Variants in WDR64 observed in about 807,000 individuals in gnomAD.
WDR64 encodes the protein WD repeat-containing protein 64.
In WDR64, 112 loss-of-function variants were observed where a neutral mutation model predicts 139.3. The ratio of observed to expected loss-of-function variants is 0.80; its 90% confidence interval spans 0.69 to 0.94. The LOEUF is 0.94. Ranked by LOEUF, WDR64 falls within the 40% of genes least tolerant of loss-of-function variation. WDR64 has a pLI of 0.00. For synonymous variants in WDR64, 444 were observed against 437.7 expected, an observed-to-expected ratio of 1.01 and a Z score of -0.18; for missense variants, 1,206 against 1,293.1, an observed-to-expected ratio of 0.93 and a Z score of 1.03.
chr1:241,765,642 G>A (rs1043770791), intron 15 of WDR64, among the ~76,000 whole-genome samples: 1 of 152,036 alleles, frequency 6.6e-6, no homozygotes. Flanking sequence ...AGTTACATGC[G>A]TGCCTCCCTC....
At chr1:241,790,556 T>C (rs1164625674) in intron 24 of WDR64, 35 bp from the exon 25 acceptor site, 3 of 1,504,030 alleles carry the variant, frequency 2.0e-6, no homozygotes, top group Admixed American at 2.0e-5. Context: ...ATAAAAGGTA[T>C]GGGTATGTAC....
chr1:241,675,123 C>CCTTCCTTCCTCCCTCCCCT (rs1427164669), intron 4 of WDR64, among the ~76,000 whole-genome samples: 1 of 17,298 alleles, frequency 5.8e-5, no homozygotes, highest in African/African-American at 3.8e-4. Flanking sequence ...CTCCCTCCCT[C>CCTTCCTTCCTCCCTCCCCT]CTTCCCTCCT....
chr1:241,751,601 G>A (rs1250303473), intron 14 of WDR64, among the ~76,000 whole-genome samples: 1 of 152,180 alleles, frequency 6.6e-6, no homozygotes, highest in African/African-American at 2.4e-5. Context: ...AAAGTATCAT[G>A]TACTTTTAAA....
chr1:241,722,560 A>G (rs1355573679), intron 9 of WDR64, among the ~76,000 whole-genome samples: 1 of 152,202 alleles, frequency 6.6e-6, no homozygotes, highest in Non-Finnish European at 1.5e-5. Flanking sequence ...AAATTCTGAA[A>G]TAGTAACTAA....
intron 9 of WDR64, 149 bp from the exon 10 acceptor site, chr1:241,723,148 A>T (rs1668668585): frequency 2.0e-6 from 2 of 1,008,258 alleles, no homozygotes; most frequent in Admixed American, 5.9e-5. Flanking sequence ...CCAGCCCCTT[A>T]GCACATCAAT....
intron 13 of WDR64, among the ~76,000 whole-genome samples, chr1:241,746,309 T>G (rs1213102842): frequency 6.6e-6 from 1 of 152,114 alleles, no homozygotes; most frequent in Non-Finnish European, 1.5e-5. Flanking sequence ...CACTGGAGTC[T>G]GAATCTGAGG....
chr1:241,657,139 T>C (rs1334749097), intron 1 of WDR64, among the ~76,000 whole-genome samples: 1 of 151,954 alleles, frequency 6.6e-6, no homozygotes, highest in Non-Finnish European at 1.5e-5. Context: ...CTTTCAAGAC[T>C]GAAAGGGAAT....
intron 14 of WDR64, among the ~76,000 whole-genome samples, chr1:241,752,111 A>G (rs1172990782): frequency 1.3e-5 from 2 of 152,160 alleles, no homozygotes; most frequent in South Asian, 2.1e-4. Context: ...ATATAGCTGT[A>G]TTTCTGTGTC....
At chr1:241,717,214 A>G (rs2148187487) in intron 9 of WDR64, among the ~76,000 whole-genome samples, 1 of 152,332 alleles carries the variant, frequency 6.6e-6, no homozygotes, top group Non-Finnish European at 1.5e-5. Flanking sequence ...CTTACTACCT[A>G]TGAAAATTCC....
chr1:241,695,255 T>G (rs947665524), intron 8 of WDR64, among the ~76,000 whole-genome samples: 3 of 152,218 alleles, frequency 2.0e-5, no homozygotes, highest in Non-Finnish European at 4.4e-5. Context: ...ATTGTCTGTG[T>G]TCTTGAGGGT....
intron 19 of WDR64, among the ~76,000 whole-genome samples, chr1:241,772,031 G>A (rs1268406749): frequency 7.2e-6 from 1 of 138,678 alleles, no homozygotes; most frequent in Non-Finnish European, 1.5e-5. Context: ...GGATTCAGTA[G>A]TCTAAATGGC....
intron 9 of WDR64, among the ~76,000 whole-genome samples, chr1:241,719,652 A>G (rs897889483): frequency 1.3e-5 from 2 of 152,188 alleles, no homozygotes; most frequent in African/African-American, 4.8e-5. Context: ...ATCCCTCCAT[A>G]CCTGACATGC....
chr1:241,665,637 C>T (rs924438528), intron 2 of WDR64, among the ~76,000 whole-genome samples: 1 of 152,104 alleles, frequency 6.6e-6, no homozygotes, highest in Non-Finnish European at 1.5e-5. Context: ...TCTAGACCTG[C>T]TCCTTCAATT....
At chr1:241,681,474 G>C (rs1299619237) in intron 6 of WDR64, among the ~76,000 whole-genome samples, 1 of 152,146 alleles carries the variant, frequency 6.6e-6, no homozygotes, top group Non-Finnish European at 1.5e-5. Flanking sequence ...TGGCTAAGTA[G>C]TATTCCATTG....
intron 23 of WDR64, among the ~76,000 whole-genome samples, chr1:241,786,624 G>T (rs9428516): frequency 1.3e-5 from 2 of 152,046 alleles, no homozygotes; most frequent in African/African-American, 4.8e-5. Context: ...TGTGGATGGA[G>T]GTTGAGGAGA....
chr1:241,689,007 T>C (rs1445021229), intron 8 of WDR64, among the ~76,000 whole-genome samples: 1 of 152,136 alleles, frequency 6.6e-6, no homozygotes, highest in Non-Finnish European at 1.5e-5. Flanking sequence ...GTCTAAGCTA[T>C]TGGAACTTTG....
intron 14 of WDR64, among the ~76,000 whole-genome samples, chr1:241,756,830 A>G (rs532264063): frequency 7.2e-5 from 11 of 152,352 alleles, no homozygotes; most frequent in African/African-American, 2.6e-4. Flanking sequence ...ATCCGTCAGT[A>G]GGGGAATGGA....
In WDR64 at chr1:241,683,696, T is replaced by G. The variant is rs1305996139; in HGVS notation, c.834T>G (p.Phe278Leu). The change falls in exon 7 of 28, where the codon TTT becomes TTG. Residue 278 changes from phenylalanine to leucine, a missense_variant. Phe to Leu is a conservative substitution (Grantham distance 22, BLOSUM62 0). Coordinates refer to ENST00000437684, the MANE Select transcript of WDR64 (RefSeq NM_001367482.1). ...LQNQVLDSKN[F>L]KSVKRKLHND... is the part of the protein sequence containing the mutation. ...ATCAGGTCTTAGACTCAAAGAACTT[T>G]AAAAGGTAAGAGTATCATACAGTTA... 9 of 1,547,574 alleles carry G rather than the reference T, an allele frequency of 5.8e-6. 1 individual carries two copies. In the South Asian group the frequency reaches 9.6e-5, roughly 16 times the overall value.
intron 1 of WDR64, among the ~76,000 whole-genome samples, chr1:241,659,148 G>A (rs1665727915): frequency 6.6e-6 from 1 of 152,118 alleles, no homozygotes; most frequent in Non-Finnish European, 1.5e-5. Context: ...ATACAAGTGA[G>A]AACATGTGGT....
Sources: gnomAD v4.1 joint callset for allele counts (sites outside exome capture counted in the v4.1 genomes callset) on GRCh38, gnomAD v4.1.1 for gene constraint, MANE v1.5 for transcripts, NCBI Gene and HGNC (gene_info 2026-07-23, HGNC 2026-07-21) for gene names.